Variants in NKAIN3 observed in about 807,000 individuals in gnomAD.
NKAIN3 encodes the protein sodium/potassium-transporting ATPase subunit beta-1-interacting protein 3.
Under a neutral mutation model 30.2 loss-of-function variants are expected in NKAIN3, and 25 were observed. That is an observed-to-expected ratio of 0.83 (90% confidence interval 0.60 to 1.16). The LOEUF is 1.16. Ranked by LOEUF, NKAIN3 falls within the 50% of genes most tolerant of loss-of-function variation. The probability of loss-of-function intolerance (pLI) is 0.00; values close to 1 mark genes in which losing one functional copy is unlikely to be tolerated. For missense variants in NKAIN3, 225 were observed against 254.1 expected, an observed-to-expected ratio of 0.89 and a Z score of 0.78; for synonymous variants, 91 against 89.6, an observed-to-expected ratio of 1.02 and a Z score of -0.09.
At chr8:62,815,702 T>C (rs548093503) in intron 4 of NKAIN3, among the ~76,000 whole-genome samples, 12 of 152,142 alleles carry the variant, frequency 7.9e-5, no homozygotes, top group Non-Finnish European at 1.6e-4. Flanking sequence ...ATAAATTAGG[T>C]ATTGATGGGA....
intron 4 of NKAIN3, among the ~76,000 whole-genome samples, chr8:62,803,449 G>T (rs1334161077): frequency 3.3e-5 from 5 of 152,086 alleles, no homozygotes; most frequent in African/African-American, 1.2e-4. Flanking sequence ...TAGAACTCAG[G>T]ATTCAGAAAC....
chr8:62,590,243 T>C (rs767055169), intron 3 of NKAIN3, among the ~76,000 whole-genome samples: 1 of 151,770 alleles, frequency 6.6e-6, no homozygotes, highest in Non-Finnish European at 1.5e-5. Flanking sequence ...CTGGAAAAAA[T>C]TGACCAAGAA....
At chr8:62,566,763 T>C (rs1400226596) in intron 1 of NKAIN3, among the ~76,000 whole-genome samples, 1 of 152,080 alleles carries the variant, frequency 6.6e-6, no homozygotes, top group Non-Finnish European at 1.5e-5. Context: ...TTGAATTTGA[T>C]GAATGTCAGT....
At chr8:62,801,997 T>G (rs1340416832) in intron 4 of NKAIN3, among the ~76,000 whole-genome samples, 2 of 152,076 alleles carry the variant, frequency 1.3e-5, no homozygotes, top group East Asian at 3.9e-4. Context: ...GCTGATGTGA[T>G]CAACTGGAAG....
At position 62,919,467 on chromosome 8, in the gene NKAIN3, G is replaced by C. The variant is rs574708478; in HGVS notation, c.532+954G>C. On this transcript the variant is annotated intron_variant, in intron 5 of 6. Transcript: ENST00000623646. ...TCACCGTGTTAGCCAGGATGGTCTC[G>C]ATCTCCTGACCTCGTGATCCACCCG... is the stretch of plus-strand genomic sequence containing the variant. 3.3e-5 allele frequency among the ~76,000 whole-genome samples: 5 copies of C among 151,644 alleles called. No homozygotes were observed. The East Asian group carries it at 9.7e-4, about 29-fold the overall frequency.
chr8:62,513,673 G>A (rs1052084731), intron 1 of NKAIN3, among the ~76,000 whole-genome samples: 20 of 151,852 alleles, frequency 1.3e-4, no homozygotes, highest in African/African-American at 4.6e-4. Context: ...TTTGAGATTA[G>A]CCTGGAGAAG....
At chr8:62,378,668 G>A (rs369467419) in intron 1 of NKAIN3, among the ~76,000 whole-genome samples, 33 of 152,276 alleles carry the variant, frequency 2.2e-4, no homozygotes, top group East Asian at 1.2e-3. Flanking sequence ...TCCACGTAGC[G>A]TTGGTCCTGT....
At chr8:62,363,857 A>AT (rs1342452220) in intron 1 of NKAIN3, among the ~76,000 whole-genome samples, 1 of 152,018 alleles carries the variant, frequency 6.6e-6, no homozygotes, top group Non-Finnish European at 1.5e-5. Flanking sequence ...GATAGTTTCT[A>AT]TTTTCAAGCA....
intron 4 of NKAIN3, among the ~76,000 whole-genome samples, chr8:62,789,955 C>G (rs1220442014): frequency 1.3e-5 from 2 of 152,126 alleles, no homozygotes; most frequent in Admixed American, 6.5e-5. Context: ...CTCCCTAACT[C>G]ATTTTATGAG....
chr8:62,355,380 C>G (rs1816316282), intron 1 of NKAIN3, among the ~76,000 whole-genome samples: 1 of 152,164 alleles, frequency 6.6e-6, no homozygotes, highest in Admixed American at 6.5e-5. Context: ...GTTTTACTGC[C>G]TCCCTTGCTT....
chr8:62,795,190 C>A (rs2130680673), intron 4 of NKAIN3, among the ~76,000 whole-genome samples: 1 of 152,292 alleles, frequency 6.6e-6, no homozygotes, highest in African/African-American at 2.4e-5. Context: ...CCCCCTTTGA[C>A]TTTTTCTTAT....
chr8:62,508,109 T>A (rs1486290142), intron 1 of NKAIN3, among the ~76,000 whole-genome samples: 1 of 152,182 alleles, frequency 6.6e-6, no homozygotes, highest in Non-Finnish European at 1.5e-5. Context: ...CCTAGATAGC[T>A]ATTGAAATTT....
intron 5 of NKAIN3, among the ~76,000 whole-genome samples, chr8:62,940,217 A>G (rs1349346199): frequency 6.6e-6 from 1 of 152,106 alleles, no homozygotes; most frequent in Admixed American, 6.5e-5. Context: ...GGAAAATATT[A>G]CAATCCTAAA....
In NKAIN3 at chr8:62,898,384, C is replaced by T. The variant is rs188418681; in HGVS notation, c.472-20069C>T. ...CGCACCAGGGAATACTACCCAGCCACAAAAAAGAATGAAATAATGTCTTCT... is the reference window on the plus strand; with the variant it reads ...CGCACCAGGGAATACTACCCAGCCATAAAAAAGAATGAAATAATGTCTTCT... On this transcript the variant is annotated intron_variant, in intron 4 of 6. Coordinates refer to ENST00000623646, the MANE Select transcript of NKAIN3 (RefSeq NM_001304533.3). Among the ~76,000 whole-genome samples the T allele has an allele frequency of 1.6e-3, 249 of 152,102 alleles. 1 individual carries two copies. The highest frequency in any genetic ancestry group is 4.5e-3 in the African/African-American group (185 of 41,502).
chr8:62,343,963 C>G lies in NKAIN3; in HGVS notation c.54+94836C>G, dbSNP rs147879397. ...ATGTATAATTAGTATCCAAGTGAAACTTAACATTTTAAAAGTTAATGTTAT... is the reference window on the plus strand; with the variant it reads ...ATGTATAATTAGTATCCAAGTGAAAGTTAACATTTTAAAAGTTAATGTTAT... On this transcript the variant is annotated intron_variant, in intron 1 of 6. Coordinates refer to ENST00000623646, the MANE Select transcript of NKAIN3 (RefSeq NM_001304533.3). 2.0e-4 allele frequency among the ~76,000 whole-genome samples: 31 copies of G among 152,088 alleles called. No homozygotes were observed. In the East Asian group the frequency reaches 5.8e-3, roughly 29 times the overall value.
chr8:62,278,023 C>T (rs73683080), intron 1 of NKAIN3, among the ~76,000 whole-genome samples: 5 of 152,034 alleles, frequency 3.3e-5, no homozygotes, highest in South Asian at 2.1e-4. Flanking sequence ...GAGATCAGCA[C>T]GGAGACAGGC....
intron 3 of NKAIN3, among the ~76,000 whole-genome samples, chr8:62,596,097 A>G (rs1204040100): frequency 6.6e-6 from 1 of 152,038 alleles, no homozygotes; most frequent in Non-Finnish European, 1.5e-5. Context: ...GATGGGTACT[A>G]TCAATGCCTA....
intron 3 of NKAIN3, among the ~76,000 whole-genome samples, chr8:62,700,248 C>T (rs1281297992): frequency 1.3e-5 from 2 of 152,146 alleles, no homozygotes; most frequent in Non-Finnish European, 2.9e-5. Flanking sequence ...GAAGAAATCT[C>T]TCAGACAATT....
rs1453397812 is a variant in NKAIN3, at chr8:62,980,037, C to T, written c.*14630C>T. On this transcript the variant is annotated 3_prime_UTR_variant, in exon 7 of 7. Transcript: ENST00000623646. ...CTCAGGGCAAATAGGAAATCCTAGACCTCAGATCACTGTTCTTTGCTTCCC... is the reference window on the plus strand; with the variant it reads ...CTCAGGGCAAATAGGAAATCCTAGATCTCAGATCACTGTTCTTTGCTTCCC... 6.6e-6 allele frequency: 1 copy of T among 152,224 alleles called. No individual in the cohort carries two copies. Among genetic ancestry groups the T allele is most frequent in the Admixed American group, 6.5e-5 (1 of 15,274 alleles). 9.4% of individuals were successfully genotyped at this position (152,224 alleles called of 1,614,324 possible).
Sources: gnomAD v4.1 joint callset for allele counts (sites outside exome capture counted in the v4.1 genomes callset) on GRCh38, gnomAD v4.1.1 for gene constraint, MANE v1.5 for transcripts, NCBI Gene and HGNC (gene_info 2026-07-23, HGNC 2026-07-21) for gene names.